Variants in NPAS3 observed in about 807,000 individuals in gnomAD.
The protein encoded by NPAS3 is neuronal PAS domain protein 3, also known as neuronal PAS domain-containing protein 3.
NPAS3 carries 14 observed loss-of-function variants against 73.1 expected under a neutral mutation model. That is an observed-to-expected ratio of 0.19 (90% confidence interval 0.13 to 0.30). The LOEUF is 0.30. Ranked by LOEUF, NPAS3 falls within the 10% of genes least tolerant of loss-of-function variation. NPAS3 has a pLI of 1.00. For synonymous variants in NPAS3, 620 were observed against 541.5 expected, an observed-to-expected ratio of 1.14 and a Z score of -2.01; for missense variants, 1,096 against 1,250.0, an observed-to-expected ratio of 0.88 and a Z score of 1.86.
intron 6 of NPAS3, among the ~76,000 whole-genome samples, chr14:33,690,839 A>G (rs547001622): frequency 6.7e-6 from 1 of 150,092 alleles, no homozygotes; most frequent in Admixed American, 6.7e-5. Context: ...GAGTTCCATT[A>G]AAAAAGTCAT....
intron 3 of NPAS3, among the ~76,000 whole-genome samples, chr14:33,273,733 T>C (rs1474286979): frequency 6.6e-6 from 1 of 152,136 alleles, no homozygotes; most frequent in Non-Finnish European, 1.5e-5. Context: ...GGATAAACAA[T>C]TCTGTATTCC....
intron 1 of NPAS3, among the ~76,000 whole-genome samples, chr14:33,009,158 T>G (rs1464877710): frequency 6.6e-6 from 1 of 152,214 alleles, no homozygotes; most frequent in East Asian, 1.9e-4. Flanking sequence ...GGCTCCTCAC[T>G]GTATTAGAAA....
intron 4 of NPAS3, among the ~76,000 whole-genome samples, chr14:33,407,929 G>A (rs1019018984): frequency 1.3e-5 from 2 of 152,026 alleles, no homozygotes. Flanking sequence ...TCTCACGTAG[G>A]TGGCTAAAAT....
At chr14:33,525,907 A>G (rs533339893) in intron 4 of NPAS3, among the ~76,000 whole-genome samples, 11 of 152,284 alleles carry the variant, frequency 7.2e-5, no homozygotes, top group African/African-American at 2.2e-4. Flanking sequence ...AGATTACGAA[A>G]GAGGAAATGG....
At chr14:33,541,328 G>A (rs2054509803) in intron 4 of NPAS3, among the ~76,000 whole-genome samples, 1 of 152,146 alleles carries the variant, frequency 6.6e-6, no homozygotes, top group Admixed American at 6.5e-5. Flanking sequence ...TTGGACCCAA[G>A]CAAGCATATG....
At chr14:33,462,888 G>C (rs1406682815) in intron 4 of NPAS3, among the ~76,000 whole-genome samples, 1 of 152,152 alleles carries the variant, frequency 6.6e-6, no homozygotes, top group Non-Finnish European at 1.5e-5. Context: ...GCTGATAAAA[G>C]GGTGAGGATA....
chr14:33,720,923 A>G lies in NPAS3; in HGVS notation c.734-14291A>G, dbSNP rs185029711. Among the ~76,000 whole-genome samples, 3 of 152,298 alleles carry G rather than the reference A, an allele frequency of 2.0e-5. No homozygotes were observed. In the South Asian group the frequency reaches 6.2e-4, roughly 32 times the overall value. ...AACAGCCTGGGCTCTTGGGTAGTGA[A>G]AATACAATGTAGGGAAGAAAATATA... On this transcript the variant is annotated intron_variant, in intron 6 of 11. Coordinates refer to ENST00000356141, the Ensembl canonical transcript of NPAS3.
At chr14:33,690,196 T>C (rs1411348594) in intron 6 of NPAS3, among the ~76,000 whole-genome samples, 1 of 152,148 alleles carries the variant, frequency 6.6e-6, no homozygotes, top group Non-Finnish European at 1.5e-5. Context: ...TGCTGGAGAA[T>C]GGTGTGGCGG....
intron 4 of NPAS3, among the ~76,000 whole-genome samples, chr14:33,378,673 T>TA (rs2046410310): frequency 6.6e-6 from 1 of 152,136 alleles, no homozygotes; most frequent in Non-Finnish European, 1.5e-5. Flanking sequence ...ATTTGGTGTT[T>TA]ATGTGGAAGT....
At chr14:33,755,232 A>T (rs1431720171) in intron 7 of NPAS3, among the ~76,000 whole-genome samples, 2 of 152,230 alleles carry the variant, frequency 1.3e-5, no homozygotes, top group Non-Finnish European at 2.9e-5. Context: ...GTGAATACCC[A>T]ATATTATCTT....
chr14:33,603,048 T>C (rs114130462), intron 5 of NPAS3, among the ~76,000 whole-genome samples: 1,666 of 152,300 alleles, frequency 0.011, 39 homozygotes, highest in African/African-American at 0.038. Context: ...TGAAGAGATA[T>C]GTTAATTACT....
chr14:33,529,013 C>A (rs2053925370), intron 4 of NPAS3, among the ~76,000 whole-genome samples: 3 of 152,080 alleles, frequency 2.0e-5, no homozygotes, highest in Admixed American at 2.0e-4. Flanking sequence ...CTTCAAATTT[C>A]TCCCTCTATC....
At chr14:33,147,053 T>G (rs1304925724) in intron 2 of NPAS3, among the ~76,000 whole-genome samples, 1 of 149,544 alleles carries the variant, frequency 6.7e-6, no homozygotes, top group African/African-American at 2.4e-5. Context: ...GTATGTCAGG[T>G]TTTTTTTTTC....
chr14:33,141,658 A>G (rs2044048854), intron 2 of NPAS3, among the ~76,000 whole-genome samples: 1 of 152,216 alleles, frequency 6.6e-6, no homozygotes, highest in Non-Finnish European at 1.5e-5. Flanking sequence ...ATATATGGAT[A>G]TACTATAATC....
intron 1 of NPAS3, among the ~76,000 whole-genome samples, chr14:33,013,270 C>T (rs1023118982): frequency 6.6e-5 from 10 of 152,046 alleles, no homozygotes; most frequent in Non-Finnish European, 1.5e-4. Flanking sequence ...TCTATTTCTC[C>T]AGTTATTAAA....
chr14:33,047,194 T>G (rs1224707688), intron 1 of NPAS3, among the ~76,000 whole-genome samples: 2 of 152,240 alleles, frequency 1.3e-5, no homozygotes, highest in Admixed American at 1.3e-4. Context: ...CTTATATACA[T>G]ATTATCTTTC....
intron 2 of NPAS3, among the ~76,000 whole-genome samples, chr14:33,155,514 C>A (rs2139271939): frequency 6.6e-6 from 1 of 152,252 alleles, no homozygotes; most frequent in South Asian, 2.1e-4. Flanking sequence ...CCTCAGTTTC[C>A]TGAGTAGTCA....
At chr14:33,713,571 A>G (rs116554729) in intron 6 of NPAS3, among the ~76,000 whole-genome samples, 301 of 152,316 alleles carry the variant, frequency 2.0e-3, no homozygotes, top group African/African-American at 6.9e-3. Context: ...TGACATCCAC[A>G]TTCAGTCCAC....
At chr14:33,135,046 A>G (rs1418602483) in intron 2 of NPAS3, among the ~76,000 whole-genome samples, 1 of 152,178 alleles carries the variant, frequency 6.6e-6, no homozygotes, top group East Asian at 1.9e-4. Flanking sequence ...ATGTCTCGCC[A>G]ATTATTAAGA....
Sources: gnomAD v4.1 joint callset for allele counts (sites outside exome capture counted in the v4.1 genomes callset) on GRCh38, gnomAD v4.1.1 for gene constraint, MANE v1.5 for transcripts, NCBI Gene and HGNC (gene_info 2026-07-23, HGNC 2026-07-21) for gene names.